The following CHRM3 variants were observed in gnomAD, a reference collection of about 807,000 sequenced individuals.
CHRM3 encodes the protein muscarinic acetylcholine receptor M3.
In CHRM3, 11 loss-of-function variants were observed where a neutral mutation model predicts 41.8. The ratio of observed to expected loss-of-function variants is 0.26; its 90% CI spans 0.17 to 0.44. The LOEUF (loss-of-function observed/expected upper bound fraction) is 0.44. Ranked by LOEUF, CHRM3 falls within the 20% of genes least tolerant of loss-of-function variation. The pLI is 1.00. For synonymous variants in CHRM3, 297 were observed against 301.4 expected (o/e 0.99, Z 0.15); for missense variants, 571 against 745.4 (o/e 0.77, Z 2.72).
intron 1 of CHRM3, among the ~76,000 whole-genome samples, chr1:239,474,854 CT>C (rs986538807): frequency 6.6e-5 from 10 of 151,960 alleles, no homozygotes; most frequent in African/African-American, 2.4e-4. Context: ...TAAATATTCA[CT>C]TTTTTTAAAA....
At chr1:239,488,399 T>C (rs1375481314) in intron 1 of CHRM3, among the ~76,000 whole-genome samples, 1 of 151,980 alleles carries the variant, frequency 6.6e-6, no homozygotes, top group Non-Finnish European at 1.5e-5. Flanking sequence ...AAATCTCTAT[T>C]GTGGAATTAA....
chr1:239,650,303 A>G (rs890526877), intron 4 of CHRM3, among the ~76,000 whole-genome samples: 13 of 152,250 alleles, frequency 8.5e-5, no homozygotes, highest in African/African-American at 3.1e-4. Flanking sequence ...CATATATGTC[A>G]TGGCCTGCCA....
At chr1:239,739,295 C>T (rs532009805) in intron 5 of CHRM3, among the ~76,000 whole-genome samples, 22 of 152,158 alleles carry the variant, frequency 1.4e-4, no homozygotes, top group Admixed American at 3.9e-4. Flanking sequence ...CTGTGCTTGC[C>T]GGGGCTATTA....
intron 1 of CHRM3, among the ~76,000 whole-genome samples, chr1:239,449,393 T>C (rs933148575): frequency 1.3e-5 from 2 of 152,266 alleles, no homozygotes; most frequent in South Asian, 2.1e-4. Context: ...AAAATTACTA[T>C]ATAAAGACTG....
intron 5 of CHRM3, among the ~76,000 whole-genome samples, chr1:239,811,046 A>T (rs965827599): frequency 6.6e-6 from 1 of 152,238 alleles, no homozygotes; most frequent in Non-Finnish European, 1.5e-5. Flanking sequence ...TGTGTGAATT[A>T]AAAGTGTCCT....
chr1:239,654,424 A>G lies in CHRM3; in HGVS notation c.-250+22138A>G, dbSNP rs554078473. The stretch of plus-strand genomic sequence containing the variant: ...CTGTTTTGTTTTGCTTTTGAGACGG[A>G]GTCTCACTCTGTCACCCAGGCTAGA... On this transcript the variant is annotated intron_variant, in intron 4 of 6. Coordinates refer to ENST00000676153, the MANE Select transcript of CHRM3 (RefSeq NM_001375978.1). 7.2e-5 allele frequency among the ~76,000 whole-genome samples: 11 copies of G among 152,256 alleles called. No homozygotes were observed. In the South Asian group the frequency reaches 2.3e-3, roughly 32 times the overall value.
At chr1:239,827,954 C>T (rs576532041) in intron 6 of CHRM3, among the ~76,000 whole-genome samples, 5 of 152,102 alleles carry the variant, frequency 3.3e-5, no homozygotes, top group Non-Finnish European at 7.4e-5. Flanking sequence ...TTTTTTCTAA[C>T]ACCTAGGAGA....
intron 1 of CHRM3, among the ~76,000 whole-genome samples, chr1:239,416,301 A>G (rs1305707538): frequency 1.3e-5 from 2 of 152,020 alleles, no homozygotes; most frequent in Non-Finnish European, 2.9e-5. Context: ...AACCACGGGC[A>G]TATGCAGTAA....
chr1:239,533,831 T>A (rs946005262), intron 2 of CHRM3, among the ~76,000 whole-genome samples: 3 of 150,952 alleles, frequency 2.0e-5, no homozygotes, highest in African/African-American at 7.3e-5. Flanking sequence ...ATCAGCCCCA[T>A]GATTCATTAC....
intron 4 of CHRM3, among the ~76,000 whole-genome samples, chr1:239,651,444 A>T (rs1672230137): frequency 6.6e-6 from 1 of 152,216 alleles, no homozygotes; most frequent in African/African-American, 2.4e-5. Context: ...GGAAGGCATG[A>T]TTTAAAGCTG....
chr1:239,519,065 T>C (rs930790021), intron 2 of CHRM3, among the ~76,000 whole-genome samples: 2 of 152,190 alleles, frequency 1.3e-5, no homozygotes, highest in Admixed American at 6.5e-5. Context: ...GCTTTACCTT[T>C]CTGACTTTTT....
At chr1:239,827,153 C>T (rs1243854953) in intron 5 of CHRM3, 99 bp from the exon 6 acceptor site, 1 of 152,166 alleles carries the variant, frequency 6.6e-6, no homozygotes, top group Admixed American at 6.5e-5. Flanking sequence ...AAAACAGAGA[C>T]ATTGGATCAT....
intron 6 of CHRM3, among the ~76,000 whole-genome samples, chr1:239,842,122 G>A (rs908061180): frequency 1.3e-5 from 2 of 151,806 alleles, no homozygotes; most frequent in African/African-American, 4.8e-5. Flanking sequence ...ACTAGAAATT[G>A]AATGCATGTC....
At chr1:239,882,476 T>C (rs1207894386) in intron 6 of CHRM3, among the ~76,000 whole-genome samples, 1 of 152,206 alleles carries the variant, frequency 6.6e-6, no homozygotes. Context: ...TTAACGTCTT[T>C]TAATCCCCGC....
chr1:239,618,618 TC>T (rs1558383044), intron 3 of CHRM3, among the ~76,000 whole-genome samples: 14 of 151,138 alleles, frequency 9.3e-5, no homozygotes, highest in Non-Finnish European at 1.3e-4. Flanking sequence ...GCCAAGGCGG[TC>T]GGATCACGAG....
At chr1:239,881,155 C>A (rs562628030) in intron 6 of CHRM3, among the ~76,000 whole-genome samples, 1 of 151,442 alleles carries the variant, frequency 6.6e-6, no homozygotes, top group Admixed American at 6.6e-5. Context: ...TGGTGGTGGG[C>A]GCCTGTAGTC....
chr1:239,857,926 C>T (rs866005330), intron 6 of CHRM3, among the ~76,000 whole-genome samples: 13 of 151,970 alleles, frequency 8.6e-5, no homozygotes, highest in Non-Finnish European at 1.0e-4. Context: ...TGAAGTTGCC[C>T]CGAACATTAT....
At chr1:239,811,899 G>T (rs1671147308) in intron 5 of CHRM3, among the ~76,000 whole-genome samples, 1 of 152,138 alleles carries the variant, frequency 6.6e-6, no homozygotes, top group East Asian at 1.9e-4. Context: ...TGATTATGAG[G>T]ACGCAACCAA....
At chr1:239,502,344 A>G (rs1668294258) in intron 2 of CHRM3, among the ~76,000 whole-genome samples, 1 of 152,182 alleles carries the variant, frequency 6.6e-6, no homozygotes, top group South Asian at 2.1e-4. Flanking sequence ...GGAGATGGAT[A>G]AATTCCTGGA....
Sources: gnomAD v4.1 joint callset for allele counts (sites outside exome capture counted in the v4.1 genomes callset) on GRCh38, gnomAD v4.1.1 for gene constraint, MANE v1.5 for transcripts, NCBI Gene and HGNC (gene_info 2026-07-23, HGNC 2026-07-21) for gene names.